Variants in ZNF385D observed in about 807,000 individuals in gnomAD.
The protein encoded by ZNF385D is zinc finger protein 385D.
In ZNF385D, 15 loss-of-function variants were observed where a neutral mutation model predicts 35.8. The ratio of observed to expected loss-of-function variants is 0.42; its 90% CI spans 0.28 to 0.64. The LOEUF (loss-of-function observed/expected upper bound fraction) is 0.64, where lower values mean the gene tolerates loss of function less well. Among genes scored for constraint, ZNF385D ranks in the 30% least tolerant of loss-of-function variants. ZNF385D has a pLI of 0.23. For synonymous variants in ZNF385D, 212 were observed against 186.8 expected, an observed-to-expected ratio of 1.13 and a Z score of -1.10; for missense variants, 474 against 494.6, an observed-to-expected ratio of 0.96 and a Z score of 0.39.
chr3:22,186,257 T>C (rs186185007), intron 2 of ZNF385D, among the ~76,000 whole-genome samples: 101 of 152,244 alleles, frequency 6.6e-4, no homozygotes, highest in African/African-American at 2.2e-3. Context: ...TTCAAAGTCA[T>C]CTTGGAGAGA....
chr3:21,722,415 C>T (rs934311837), intron 1 of ZNF385D, among the ~76,000 whole-genome samples: 1 of 152,170 alleles, frequency 6.6e-6, no homozygotes, highest in Admixed American at 6.5e-5. Context: ...CTATCTAGTG[C>T]TTAGGTCTTG....
chr3:21,692,476 T>C (rs1054776627), intron 1 of ZNF385D, among the ~76,000 whole-genome samples: 2 of 152,188 alleles, frequency 1.3e-5, no homozygotes, highest in South Asian at 4.1e-4. Context: ...TCAGTTTGGA[T>C]TGCTTCCCAA....
At chr3:21,939,197 T>C (rs1319811132) in intron 3 of ZNF385D, among the ~76,000 whole-genome samples, 1 of 152,222 alleles carries the variant, frequency 6.6e-6, no homozygotes, top group Non-Finnish European at 1.5e-5. Context: ...CCAACTATGA[T>C]CATTACCACA....
intron 3 of ZNF385D, among the ~76,000 whole-genome samples, chr3:22,084,946 G>A (rs1205926009): frequency 6.6e-6 from 1 of 152,134 alleles, no homozygotes; most frequent in Non-Finnish European, 1.5e-5. Flanking sequence ...CAACTACATG[G>A]AAACTGAACA....
At chr3:22,042,845 TGGAA>T (rs1698751399) in intron 3 of ZNF385D, among the ~76,000 whole-genome samples, 1 of 152,210 alleles carries the variant, frequency 6.6e-6, no homozygotes, top group Non-Finnish European at 1.5e-5. Context: ...TGGTTGTCTT[TGGAA>T]GATCACAGAC....
At chr3:21,443,121 C>T in intron 4 of ZNF385D, 1 of 985,264 alleles carries the variant, frequency 1.0e-6, no homozygotes, top group Non-Finnish European at 1.2e-6. Context: ...ATCCCAAAGC[C>T]ACCAAATGAG....
At chr3:21,478,422 G>A (rs201096722) in intron 4 of ZNF385D, among the ~76,000 whole-genome samples, 1 of 152,074 alleles carries the variant, frequency 6.6e-6, no homozygotes, top group East Asian at 1.9e-4. Flanking sequence ...GATAATGTAT[G>A]CCCTAACATT....
chr3:22,225,799 G>C (rs572029324), intron 2 of ZNF385D, among the ~76,000 whole-genome samples: 1 of 152,264 alleles, frequency 6.6e-6, no homozygotes, highest in Non-Finnish European at 1.5e-5. Flanking sequence ...ACTCATCTCA[G>C]ATATAGTAAG....
At chr3:21,788,304 C>T (rs2071786423) in intron 3 of ZNF385D, among the ~76,000 whole-genome samples, 1 of 152,160 alleles carries the variant, frequency 6.6e-6, no homozygotes, top group Non-Finnish European at 1.5e-5. Flanking sequence ...TGCGGGGAAA[C>T]CCCGTTTCTA....
chr3:21,979,929 T>C (rs943407645), intron 3 of ZNF385D: 5 of 152,216 alleles, frequency 3.3e-5, no homozygotes, highest in African/African-American at 1.2e-4. Flanking sequence ...AGGTGTAACC[T>C]AATTCTGCCT....
intron 3 of ZNF385D, among the ~76,000 whole-genome samples, chr3:21,792,888 T>C (rs957528344): frequency 1.3e-5 from 2 of 152,220 alleles, no homozygotes; most frequent in African/African-American, 4.8e-5. Context: ...TTTTTATTAA[T>C]CTCTGACCAG....
intron 2 of ZNF385D, among the ~76,000 whole-genome samples, chr3:22,267,173 C>T (rs1364949221): frequency 6.6e-6 from 1 of 151,844 alleles, no homozygotes; most frequent in Non-Finnish European, 1.5e-5. Flanking sequence ...TTGCATCAAA[C>T]ATCTATGAGA....
chr3:21,794,948 A>T (rs1281399174), intron 3 of ZNF385D, among the ~76,000 whole-genome samples: 1 of 152,212 alleles, frequency 6.6e-6, no homozygotes, highest in Non-Finnish European at 1.5e-5. Context: ...AAATATTGAC[A>T]AATCATAGGT....
chr3:22,156,730 T>G (rs941714635), intron 3 of ZNF385D, among the ~76,000 whole-genome samples: 1 of 152,008 alleles, frequency 6.6e-6, no homozygotes, highest in Middle Eastern at 3.2e-3. Context: ...CTTACTGACT[T>G]TCTCTATTTC....
chr3:22,227,587 A>G (rs1308289406), intron 2 of ZNF385D, among the ~76,000 whole-genome samples: 1 of 152,182 alleles, frequency 6.6e-6, no homozygotes, highest in African/African-American at 2.4e-5. Context: ...GCAGAACTTA[A>G]CTAAGAGCTG....
At chr3:21,671,243 C>T (rs1342518180) in intron 1 of ZNF385D, among the ~76,000 whole-genome samples, 2 of 152,024 alleles carry the variant, frequency 1.3e-5, no homozygotes, top group African/African-American at 4.8e-5. Flanking sequence ...GCTTCCCCGC[C>T]TGTCAGAATG....
At chr3:21,478,391 T>C (rs1704385060) in intron 4 of ZNF385D, among the ~76,000 whole-genome samples, 1 of 152,120 alleles carries the variant, frequency 6.6e-6, no homozygotes, top group African/African-American at 2.4e-5. Flanking sequence ...GTAAAAAGGA[T>C]AAAAGAGTTG....
At chr3:22,018,010 T>C (rs945390624) in intron 3 of ZNF385D, among the ~76,000 whole-genome samples, 1 of 151,944 alleles carries the variant, frequency 6.6e-6, no homozygotes, top group African/African-American at 2.4e-5. Context: ...TATTGAATGA[T>C]ATTTAACTGG....
At chr3:22,256,573 T>A (rs1700329925) in intron 2 of ZNF385D, among the ~76,000 whole-genome samples, 1 of 151,900 alleles carries the variant, frequency 6.6e-6, no homozygotes, top group South Asian at 2.1e-4. Context: ...GCAATATAAT[T>A]TCTGTCTACA....
Sources: allele counts gnomAD v4.1 joint callset (sites outside exome capture counted in the v4.1 genomes callset), GRCh38; gene constraint gnomAD v4.1.1; transcripts MANE v1.5; gene names NCBI Gene and HGNC (gene_info 2026-07-23, HGNC 2026-07-21).